The following MBD5 variants were observed in gnomAD, a reference collection of about 807,000 sequenced individuals.
MBD5 encodes methyl-CpG-binding domain protein 5.
MBD5 carries 13 observed loss-of-function variants against 117.3 expected under a neutral mutation model. That is an observed-to-expected ratio of 0.11 (90% CI 0.07 to 0.18). The LOEUF (loss-of-function observed/expected upper bound fraction) is 0.18, where lower values mean the gene tolerates loss of function less well. Ranked by LOEUF, MBD5 falls within the 10% of genes least tolerant of loss-of-function variation. The pLI, the probability that MBD5 is intolerant of heterozygous loss-of-function variation, is 1.00. For synonymous variants in MBD5, 727 were observed against 766.4 expected (o/e 0.95, Z 0.85); for missense variants, 1,879 against 2,093.8 (o/e 0.90, Z 2.00).
chr2:148,255,406 C>T (rs995998695), intron 3 of MBD5, among the ~76,000 whole-genome samples: 2 of 152,190 alleles, frequency 1.3e-5, no homozygotes, highest in Non-Finnish European at 2.9e-5. Flanking sequence ...AGCAGTCAAC[C>T]ATGGGGGCCG....
At chr2:148,384,008 T>A (rs1238872651) in intron 4 of MBD5, among the ~76,000 whole-genome samples, 1 of 152,164 alleles carries the variant, frequency 6.6e-6, no homozygotes, top group East Asian at 1.9e-4. Context: ...AATATCATAC[T>A]GAATGGACAA....
intron 8 of MBD5, 40 bp downstream of exon 8, chr2:148,470,501 C>A (rs753931083): frequency 3.0e-5 from 44 of 1,485,198 alleles, no homozygotes; most frequent in Non-Finnish European, 3.9e-5. Flanking sequence ...AGGTACTAAA[C>A]TTTTCTACTT....
At chr2:148,369,012 G>A (rs1218321058) in intron 4 of MBD5, among the ~76,000 whole-genome samples, 2 of 152,052 alleles carry the variant, frequency 1.3e-5, no homozygotes, top group Non-Finnish European at 2.9e-5. Flanking sequence ...CATTTCCTGT[G>A]TCTCCTGATA....
intron 13 of MBD5, among the ~76,000 whole-genome samples, chr2:148,512,415 T>A (rs916681349): frequency 4.6e-5 from 7 of 152,176 alleles, no homozygotes; most frequent in Non-Finnish European, 8.8e-5. Context: ...CCCTTCCTAG[T>A]CATTGTAAAA....
At chr2:148,029,526 C>G (rs114379305) in intron 1 of MBD5, among the ~76,000 whole-genome samples, 19 of 152,206 alleles carry the variant, frequency 1.2e-4, no homozygotes, top group African/African-American at 4.6e-4. Flanking sequence ...TTTAACATAT[C>G]GCTTTTCTAG....
At chr2:148,026,337 A>G (rs775189022) in intron 1 of MBD5, 1 of 152,200 alleles carries the variant, frequency 6.6e-6, no homozygotes, top group Non-Finnish European at 1.5e-5. Flanking sequence ...TCACAGACTA[A>G]TGGAAAATTT....
At chr2:148,357,657 A>G (rs568880475) in intron 4 of MBD5, among the ~76,000 whole-genome samples, 1 of 151,684 alleles carries the variant, frequency 6.6e-6, no homozygotes, top group African/African-American at 2.4e-5. Context: ...TTCCTTCTAC[A>G]ACTTTTATTA....
rs189907530 is a variant in MBD5, at chr2:148,256,268, C to T, written c.-680+22873C>T. 3.4e-4 allele frequency among the ~76,000 whole-genome samples: 52 copies of T among 152,338 alleles called. 1 individual carries two copies. In the East Asian group the frequency reaches 7.5e-3, roughly 22 times the overall value. ...TATTGACCTGTTGTATCAGTTTACC[C>T]CCTGCATGTCCCAATTTCCAGTGTA... On this transcript the variant is annotated intron_variant, in intron 3 of 13. Coordinates refer to ENST00000642680, the MANE Select transcript of MBD5 (RefSeq NM_001378120.1).
chr2:148,177,096 C>T (rs2105832032), intron 1 of MBD5, among the ~76,000 whole-genome samples: 1 of 152,254 alleles, frequency 6.6e-6, no homozygotes, highest in South Asian at 2.1e-4. Context: ...TGATTTATTG[C>T]TGAAGTCCTA....
At chr2:148,156,023 C>T (rs1697863840) in intron 1 of MBD5, among the ~76,000 whole-genome samples, 2 of 152,168 alleles carry the variant, frequency 1.3e-5, no homozygotes, top group South Asian at 2.1e-4. Flanking sequence ...GAAATGAAAG[C>T]AGTTTACTGT....
intron 5 of MBD5, among the ~76,000 whole-genome samples, chr2:148,459,349 C>A (rs904250305): frequency 2.6e-5 from 4 of 151,914 alleles, no homozygotes; most frequent in Non-Finnish European, 4.4e-5. Flanking sequence ...TATTTCCTTG[C>A]GTGTAATAGT....
At chr2:148,058,727 C>T (rs566073529) in intron 1 of MBD5, among the ~76,000 whole-genome samples, 1 of 152,110 alleles carries the variant, frequency 6.6e-6, no homozygotes, top group East Asian at 1.9e-4. Flanking sequence ...TTGAAGTTTC[C>T]TCAAATAGAT....
At chr2:148,181,799 GT>G (rs1311236352) in intron 2 of MBD5, among the ~76,000 whole-genome samples, 3 of 151,982 alleles carry the variant, frequency 2.0e-5, no homozygotes, top group African/African-American at 7.2e-5. Context: ...TATGCATGAT[GT>G]TCTTTAAGTA....
chr2:148,285,949 A>G (rs529127383), intron 3 of MBD5, among the ~76,000 whole-genome samples: 176 of 152,110 alleles, frequency 1.2e-3, no homozygotes, highest in African/African-American at 3.9e-3. Flanking sequence ...ATTTTTTTCT[A>G]CTTATTCTTC....
chr2:148,383,537 G>A (rs1236187669), intron 4 of MBD5, among the ~76,000 whole-genome samples: 2 of 152,168 alleles, frequency 1.3e-5, no homozygotes, highest in Non-Finnish European at 1.5e-5. Flanking sequence ...ACAAGGAGGA[G>A]CTGGTACCAT....
chr2:148,370,087 G>T (rs1421085173), intron 4 of MBD5, among the ~76,000 whole-genome samples: 1 of 151,934 alleles, frequency 6.6e-6, no homozygotes, highest in East Asian at 1.9e-4. Context: ...CTTTATAAAG[G>T]TGATAGATTA....
At chr2:148,075,088 T>C (rs1695473221) in intron 1 of MBD5, among the ~76,000 whole-genome samples, 2 of 151,978 alleles carry the variant, frequency 1.3e-5, no homozygotes, top group South Asian at 4.1e-4. Context: ...AGAAAAGCTT[T>C]GTGGGAAGAG....
chr2:148,201,641 C>T (rs1699145286), intron 2 of MBD5, among the ~76,000 whole-genome samples: 2 of 152,022 alleles, frequency 1.3e-5, no homozygotes, highest in African/African-American at 2.4e-5. Flanking sequence ...GTCCTGCATC[C>T]AAGAAGAATG....
At chr2:148,306,069 A>C (rs527415766) in intron 3 of MBD5, among the ~76,000 whole-genome samples, 1 of 152,210 alleles carries the variant, frequency 6.6e-6, no homozygotes, top group Non-Finnish European at 1.5e-5. Context: ...TGAACTTTTC[A>C]TAAGGAATCT....
Sources: gnomAD v4.1 joint callset for allele counts (sites outside exome capture counted in the v4.1 genomes callset) on GRCh38, gnomAD v4.1.1 for gene constraint, MANE v1.5 for transcripts, NCBI Gene and HGNC (gene_info 2026-07-23, HGNC 2026-07-21) for gene names.